Variants in SLC16A6 observed in about 807,000 individuals in gnomAD.
SLC16A6 encodes the protein solute carrier family 16 member 6.
In SLC16A6, 15 loss-of-function variants were observed where a neutral mutation model predicts 33.8. That is an observed-to-expected ratio of 0.44 (90% CI 0.30 to 0.68). The LOEUF is 0.68. Ranked by LOEUF, SLC16A6 falls within the 30% of genes least tolerant of loss-of-function variation. The pLI is 0.10. For synonymous variants in SLC16A6, 219 were observed against 248.4 expected (o/e 0.88, Z 1.11); for missense variants, 451 against 661.5 (o/e 0.68, Z 3.49).
intron 2 of SLC16A6, among the ~76,000 whole-genome samples, chr17:68,276,364 C>T (rs766865655): frequency 6.6e-6 from 1 of 152,268 alleles, no homozygotes; most frequent in South Asian, 2.1e-4. Flanking sequence ...GCTTTAATTT[C>T]AGCAATAACT....
At chr17:68,274,155 C>T in intron 2 of SLC16A6, 85 bp from the exon 3 acceptor site, 2 of 1,425,184 alleles carry the variant, frequency 1.4e-6, no homozygotes, top group Non-Finnish European at 1.9e-6. Flanking sequence ...ACGTCTTGCA[C>T]ATGGAGAGAT....
At chr17:68,287,972 CCCCT>C (rs1459856020) in intron 1 of SLC16A6, among the ~76,000 whole-genome samples, 30 of 150,204 alleles carry the variant, frequency 2.0e-4, no homozygotes, top group Admixed American at 4.0e-4. Context: ...TCTCTCTCTC[CCCCT>C]CCCTCCCTCC....
upstream of SLC16A6, chr17:68,291,311 A>G (rs1167416122): frequency 3.6e-5 from 1 of 27,896 alleles, no homozygotes; most frequent in South Asian, 1.3e-3. Context: ...CCCGCCCCCC[A>G]CCCCGGCCGC....
At chr17:68,282,779 T>TAAAAAAAAAAAAAAGAAA (rs2075734465) in intron 1 of SLC16A6, among the ~76,000 whole-genome samples, 1 of 53,398 alleles carries the variant, frequency 1.9e-5, no homozygotes, top group Non-Finnish European at 3.3e-5. Context: ...CCATCTCTAC[T>TAAAAAAAAAAAAAAGAAA]AAAAAAAAAA....
At chr17:68,278,675 A>G (rs532340725) in intron 1 of SLC16A6, among the ~76,000 whole-genome samples, 3 of 129,986 alleles carry the variant, frequency 2.3e-5, no homozygotes, top group Admixed American at 9.2e-5. Context: ...GCTGCAGTGT[A>G]GTTGTGTGAT....
chr17:68,284,103 C>CAAAAAA (rs1189737736), intron 1 of SLC16A6, among the ~76,000 whole-genome samples: 1 of 56,514 alleles, frequency 1.8e-5, no homozygotes, highest in East Asian at 6.1e-4. Context: ...GACTCTGTCT[C>CAAAAAA]AAAAAAAAAA....
chr17:68,275,053 T>C (rs995172163), intron 2 of SLC16A6, among the ~76,000 whole-genome samples: 12 of 152,214 alleles, frequency 7.9e-5, no homozygotes, highest in Non-Finnish European at 7.3e-5. Context: ...GTGTTGGGAT[T>C]ACAGGCGTGA....
intron 1 of SLC16A6, among the ~76,000 whole-genome samples, chr17:68,287,327 T>C (rs2075864195): frequency 6.6e-6 from 1 of 151,624 alleles, no homozygotes. Flanking sequence ...TTCTTCTTCT[T>C]CTTTTTTTTT....
At chr17:68,279,939 T>C (rs2145085729) in intron 1 of SLC16A6, among the ~76,000 whole-genome samples, 1 of 152,224 alleles carries the variant, frequency 6.6e-6, no homozygotes. Context: ...CCCAGCACTT[T>C]GGGAGGCCAA....
In SLC16A6 at chr17:68,271,516, A is replaced by C. The variant is rs1217256181; in HGVS notation, c.644T>G (p.Ile215Ser). The C allele has an allele frequency of 3.7e-6, 6 of 1,614,122 alleles. 1 individual carries two copies. The highest frequency in any genetic ancestry group is 3.3e-5 in the Admixed American group (2 of 60,016). The change falls in exon 5 of 6, where the codon ATC becomes AGC. Residue 215 changes from isoleucine to serine, a missense_variant. By Grantham distance (142) the Ile-to-Ser change is moderately radical. Around this residue, in one of 2 missense-constraint regions of SLC16A6, gnomAD observed 405 missense variants for 510.7 expected, o/e 0.79. Coordinates refer to ENST00000580666, the MANE Select transcript of SLC16A6 (RefSeq NM_004694.5). The surrounding 1 kb of genome is among the most constrained non-coding windows in gnomAD (Gnocchi z 5.3). The stretch of plus-strand genomic sequence containing the variant: ...CTGCGCTTCTTTCCGATTTTCCTGG[A>C]TGACTATTTTCGGTGACGCTGGTCC... ...IRGPASPKIV[I>S]QENRKEAQYM... is the part of the protein sequence containing the mutation.
intron 2 of SLC16A6, among the ~76,000 whole-genome samples, chr17:68,274,781 T>C (rs1365801250): frequency 8.2e-5 from 2 of 24,274 alleles, no homozygotes; most frequent in African/African-American, 2.8e-4. Flanking sequence ...AGTTAGTTTC[T>C]TTCTTTTTTT....
chr17:68,288,282 G>C (rs1382398525), intron 1 of SLC16A6, among the ~76,000 whole-genome samples: 2 of 152,140 alleles, frequency 1.3e-5, no homozygotes, highest in African/African-American at 4.8e-5. Flanking sequence ...TTACAGGCGT[G>C]AGCCACTGTG....
chr17:68,272,645 C>T lies in SLC16A6; in HGVS notation c.499G>A (p.Ala167Thr), dbSNP rs2075379240. 3.1e-6 allele frequency: 5 copies of T among 1,613,790 alleles called. No homozygotes were observed. The highest frequency in any genetic ancestry group is 1.1e-5 in the South Asian group (1 of 91,046). The change falls in exon 4 of 6, where the codon GCA becomes ACA. Residue 167 changes from alanine to threonine, a missense_variant. Around this residue, in one of 2 missense-constraint regions of SLC16A6, gnomAD observed 405 missense variants for 510.7 expected, o/e 0.79. Coordinates refer to ENST00000580666, the MANE Select transcript of SLC16A6 (RefSeq NM_004694.5). ...TGECFAVFAF[A>T]PAIMALKERI... ...GCTGTTGTAGTCCACCTACCTGGTG[C>T]GAAAGCAAACACAGCGAAACATTCT...
intron 2 of SLC16A6, among the ~76,000 whole-genome samples, chr17:68,275,336 A>G (rs1321451886): frequency 2.6e-5 from 4 of 152,182 alleles, no homozygotes; most frequent in Non-Finnish European, 5.9e-5. Flanking sequence ...GGAAGTGGGA[A>G]AAAAAGGATT....
At chr17:68,270,730 C>T (rs1187611442) in intron 5 of SLC16A6, 109 bp downstream of exon 5, 3 of 949,512 alleles carry the variant, frequency 3.2e-6, no homozygotes, top group Non-Finnish European at 4.7e-6. Flanking sequence ...CTCTAAAATT[C>T]AATGGAAATA....
intron 3 of SLC16A6, 90 bp from the exon 4 acceptor site, chr17:68,272,857 G>A (rs2075385716): frequency 6.5e-7 from 1 of 1,528,906 alleles, no homozygotes; most frequent in Non-Finnish European, 8.9e-7. Flanking sequence ...TTTTGGTTTT[G>A]CTTTTTGAAT....
At chr17:68,276,324 T>C (rs1555750906) in intron 2 of SLC16A6, among the ~76,000 whole-genome samples, 1 of 152,128 alleles carries the variant, frequency 6.6e-6, no homozygotes, top group Non-Finnish European at 1.5e-5. Flanking sequence ...AGACATTCTA[T>C]GGCTAAAAAT....
At chr17:68,270,746 C>A (rs559030465) in intron 5 of SLC16A6, 93 bp downstream of exon 5, 1 of 1,080,554 alleles carries the variant, frequency 9.3e-7, no homozygotes, top group East Asian at 2.5e-5. Context: ...AAATATAAAA[C>A]GGCAGTAAGT....
intron 1 of SLC16A6, among the ~76,000 whole-genome samples, chr17:68,283,433 A>G: frequency 6.6e-6 from 1 of 151,560 alleles, no homozygotes. Context: ...AGGCAGGAGA[A>G]TGGCGTGAAC....
Sources: gnomAD v4.1 joint callset for allele counts (sites outside exome capture counted in the v4.1 genomes callset) on GRCh38, gnomAD v4.1.1 for gene constraint, gnomAD v4.1.1 regional missense constraint, Gnocchi (gnomAD v3.1) non-coding constraint, MANE v1.5 for transcripts, NCBI Gene and HGNC (gene_info 2026-07-23, HGNC 2026-07-21) for gene names.